The following MYO7A variants were observed in gnomAD, a reference collection of about 807,000 sequenced individuals.
MYO7A encodes the protein unconventional myosin-VIIa.
In MYO7A, 210 loss-of-function variants were observed where a neutral mutation model predicts 263.8. The observed-to-expected ratio is 0.80, with a 90% CI of 0.71 to 0.89. The LOEUF is 0.89. Ranked by LOEUF, MYO7A falls within the 40% of genes least tolerant of loss-of-function variation. The pLI, the probability that MYO7A is intolerant of heterozygous loss-of-function variation, is 0.00. For missense variants in MYO7A, 2,820 were observed against 2,968.3 expected (o/e 0.95, Z 1.16); for synonymous variants, 1,239 against 1,197.3 (o/e 1.03, Z -0.72).
intron 8 of MYO7A, 44 bp downstream of exon 8, chr11:77,157,436 G>C: frequency 7.4e-7 from 1 of 1,345,916 alleles, no homozygotes; most frequent in South Asian, 1.3e-5. Flanking sequence ...ACCCACCCTA[G>C]GATTGTAGGG....
chr11:77,205,464 A>G lies in MYO7A; in HGVS notation c.5483A>G (p.Tyr1828Cys), dbSNP rs1283844374. Residue 1828 changes from tyrosine to cysteine, a missense_variant and splice_region_variant, in exon 40 of 49, where the codon TAC becomes TGC. Coordinates refer to ENST00000409709, the MANE Select transcript of MYO7A (RefSeq NM_000260.4). ...LKQLTDNHIR[Y>C]SEERGWELLW... Reference sequence around the variant, plus strand: ...GGAGCCCACGCCTCCTCCTGCAGGTACAGCGAGGAGCGGGGTTGGGAGCTG... The same window carrying G: ...GGAGCCCACGCCTCCTCCTGCAGGTGCAGCGAGGAGCGGGGTTGGGAGCTG... The G allele has an allele frequency of 1.9e-6, 3 of 1,565,410 alleles. No homozygotes were observed. Among genetic ancestry groups the G allele is most frequent in the Non-Finnish European group, 2.6e-6 (3 of 1,155,300 alleles).
intron 2 of MYO7A, among the ~76,000 whole-genome samples, chr11:77,131,223 G>A (rs1185890338): frequency 3.9e-5 from 6 of 152,122 alleles, no homozygotes; most frequent in Non-Finnish European, 8.8e-5. Flanking sequence ...CTGGCCTCCA[G>A]AGCAGGAGCC....
chr11:77,183,702 C>A (rs1555086426), intron 26 of MYO7A, among the ~76,000 whole-genome samples: 1 of 151,878 alleles, frequency 6.6e-6, no homozygotes, highest in Non-Finnish European at 1.5e-5. Context: ...GGGGGCCAGG[C>A]CCCCATCCCC....
In MYO7A at chr11:77,170,031, A is replaced by G. The variant is rs535309995; in HGVS notation, c.1798-2717A>G. Among the ~76,000 whole-genome samples the G allele has an allele frequency of 8.5e-5, 13 of 152,372 alleles. No individual in the cohort carries two copies. In the South Asian group the frequency reaches 2.7e-3, roughly 32 times the overall value. ...GGCTGCAATGAGCCAAGATCGTACC[A>G]CTGTGCTCCAGCCTGGGCGACAGAG... On this transcript the variant is annotated intron_variant, in intron 15 of 48. Transcript: ENST00000409709.
At chr11:77,158,023 C>A (rs569357135) in intron 8 of MYO7A, among the ~76,000 whole-genome samples, 1 of 152,174 alleles carries the variant, frequency 6.6e-6, no homozygotes, top group South Asian at 2.1e-4. Context: ...CAGTGACCTG[C>A]CTGCTCTTCA....
In MYO7A at chr11:77,184,656, C is replaced by A. The variant is rs2135517853; in HGVS notation, c.3444C>A (p.Thr1148=). The change falls in exon 27 of 49, where the codon ACC becomes ACA. Residue 1148 remains threonine (T), a synonymous_variant. Transcript: ENST00000409709. ...ACAGCATGCTGGAGGACCGGCCCAC[C>A]TCCAACCTGGAGAAGCTGCACTTCA... ...QGNSMLEDRP[T]SNLEKLHFII... is the part of the protein sequence containing the mutation. 1.9e-6 allele frequency: 3 copies of A among 1,592,052 alleles called. No individual in the cohort carries two copies. Among genetic ancestry groups the A allele is most frequent in the Non-Finnish European group, 2.6e-6 (3 of 1,169,016 alleles).
intron 32 of MYO7A, among the ~76,000 whole-genome samples, chr11:77,195,499 C>T (rs555881945): frequency 6.6e-5 from 10 of 152,314 alleles, no homozygotes; most frequent in African/African-American, 2.2e-4. Flanking sequence ...AGGGCCTCCT[C>T]GGGGCTCACT....
chr11:77,194,672 T>C (rs1956506955), intron 32 of MYO7A, 148 bp downstream of exon 32: 2 of 855,948 alleles, frequency 2.3e-6, no homozygotes, highest in Non-Finnish European at 3.5e-6. Context: ...ATCAGCTCAC[T>C]CATTCTCCTT....
At position 77,159,402 on chromosome 11, in the gene MYO7A, T is replaced by TTGGG. The variant is rs1952777005; in HGVS notation, c.1004-45_1004-44insTGGG. The TTGGG allele has an allele frequency of 3.7e-4, 309 of 839,092 alleles. 1 individual carries two copies. Among genetic ancestry groups the TTGGG allele is most frequent in the Non-Finnish European group, 4.2e-4 (202 of 481,038 alleles). The allele number at this position is 839,092 out of a possible 1,614,324, so 52.0% of individuals were successfully genotyped here. Reference sequence around the variant, plus strand: ...CTTAGGACTGTCCCCTTGCCCCTGTTGCCCACCCTCCCTCCCCTGATGCTG... The same window carrying TTGGG: ...CTTAGGACTGTCCCCTTGCCCCTGTTTGGGGCCCACCCTCCCTCCCCTGATGCTG... On this transcript the variant is annotated intron_variant, in intron 9 of 48. Transcript: ENST00000409709.
Position 77,192,257 on chromosome 11 carries a change from T to C in MYO7A, c.4131T>C (p.Phe1377=). Residue 1377 remains phenylalanine, a synonymous_variant, in exon 31 of 49, where the codon TTT becomes TTC. Transcript: ENST00000409709. ...IYQQVVRGVK[F]GEYRCEKEDD... ...AGCAGGTGGTGCGAGGAGTCAAGTT[T>C]GGGGAGTACAGGTGTGAGAAGGTGA... is the stretch of plus-strand genomic sequence containing the variant. 6.2e-7 allele frequency: 1 copy of C among 1,614,000 alleles called. No homozygotes were observed. Among genetic ancestry groups the C allele is most frequent in the Non-Finnish European group, 8.5e-7 (1 of 1,179,896 alleles).
intron 2 of MYO7A, among the ~76,000 whole-genome samples, chr11:77,141,133 G>A (rs1951185196): frequency 6.6e-6 from 1 of 152,182 alleles, no homozygotes; most frequent in Non-Finnish European, 1.5e-5. Flanking sequence ...GGTGTGTAGT[G>A]GGCTGTACCA....
In MYO7A at chr11:77,201,710, TACAATAGGTTA is replaced by T. The variant is rs1254213905; in HGVS notation, c.5043+75_5043+85del. 14 of 1,470,728 alleles carry T rather than the reference TACAATAGGTTA, an allele frequency of 9.5e-6. No individual in the cohort carries two copies. The East Asian group carries it at 3.2e-4, about 34-fold the overall frequency. 91.1% of individuals were successfully genotyped at this position (1,470,728 alleles called of 1,614,324 possible). ...CCTCTTTGTCCACTTCCCACAGCTG[TACAATAGGTTA>T]ACGGTCTAGTGCATCTGTGAAGATG... On this transcript the variant is annotated intron_variant, in intron 36 of 48. Coordinates refer to ENST00000409709, the MANE Select transcript of MYO7A (RefSeq NM_000260.4).
Position 77,172,856 on chromosome 11 carries a change from A to C in MYO7A, c.1906A>C (p.Ile636Leu), listed in dbSNP as rs374417405. 6.4e-7 allele frequency: 1 copy of C among 1,551,964 alleles called. No homozygotes were observed. The highest frequency in any genetic ancestry group is 2.0e-5 in the Admixed American group (1 of 51,030). ...CTGCCAGCCCTTCTTTGTGCGATGCATCAAGCCCAATGAGTTCAAGAAGCC... is the reference window on the plus strand; with the variant it reads ...CTGCCAGCCCTTCTTTGTGCGATGCCTCAAGCCCAATGAGTTCAAGAAGCC... The part of the protein sequence containing the change: ...GACQPFFVRC[I>L]KPNEFKKPML... Residue 636 changes from isoleucine (I) to leucine (L), a missense_variant, in exon 16 of 49, where the codon ATC (isoleucine) becomes CTC (leucine). Physicochemically the swap from Ile to Leu is conservative, Grantham distance 5 (BLOSUM62 2). Transcript: ENST00000409709.
intron 15 of MYO7A, among the ~76,000 whole-genome samples, chr11:77,172,285 C>T (rs370819502): frequency 6.6e-6 from 1 of 152,224 alleles, no homozygotes; most frequent in South Asian, 2.1e-4. Flanking sequence ...CCCAAGGGCA[C>T]ACAGCTAGGA....
In MYO7A at chr11:77,166,161, T is replaced by C. The variant is rs1007494594; in HGVS notation, c.1796T>C (p.Met599Thr). Residue 599 changes from methionine to threonine, a missense_variant and splice_region_variant, in exon 15 of 49, where the codon ATG becomes ACG. Coordinates refer to ENST00000409709, the MANE Select transcript of MYO7A (RefSeq NM_000260.4). ...CAGATCTTCCAGGCCGATGTCGCCA[T>C]GGTAAGCCGGGTGCGGTTTCTGTTG... ...IKQIFQADVA[M>T]GAETRKRSPT... 4 of 1,613,554 alleles carry C rather than the reference T, an allele frequency of 2.5e-6. No homozygotes were observed. The Admixed American group carries it at 5.0e-5, about 20-fold the overall frequency.
At chr11:77,130,419 GAGGCTC>G (rs1469234575) in intron 1 of MYO7A, among the ~76,000 whole-genome samples, 164 bp from the exon 2 acceptor site, 1 of 152,204 alleles carries the variant, frequency 6.6e-6, no homozygotes. Context: ...GACAGTGGCT[GAGGCTC>G]AGGTCACACA....
At chr11:77,131,928 G>T (rs1950777519) in intron 2 of MYO7A, among the ~76,000 whole-genome samples, 1 of 152,216 alleles carries the variant, frequency 6.6e-6, no homozygotes, top group Non-Finnish European at 1.5e-5. Flanking sequence ...ATGAGTGGGA[G>T]GGCCTTGGGC....
At chr11:77,174,453 C>T (rs2135422038) in intron 16 of MYO7A, among the ~76,000 whole-genome samples, 2 of 152,308 alleles carry the variant, frequency 1.3e-5, no homozygotes, top group Middle Eastern at 6.8e-3. Flanking sequence ...GGAATACTCC[C>T]CCTCCTGTCA....
chr11:77,167,562 C>T (rs1953669935), intron 15 of MYO7A, among the ~76,000 whole-genome samples: 1 of 152,244 alleles, frequency 6.6e-6, no homozygotes, highest in Non-Finnish European at 1.5e-5. Flanking sequence ...ATCCTGAACT[C>T]TGGTTCAGGC....
Sources: gnomAD v4.1 joint callset for allele counts (sites outside exome capture counted in the v4.1 genomes callset) on GRCh38, gnomAD v4.1.1 for gene constraint, MANE v1.5 for transcripts, NCBI Gene and HGNC (gene_info 2026-07-23, HGNC 2026-07-21) for gene names.